The following SNED1 variants were observed in gnomAD, a reference collection of about 807,000 sequenced individuals.
The protein encoded by SNED1 is sushi, nidogen and EGF like domains 1.
In SNED1, 81 loss-of-function variants were observed where a neutral mutation model predicts 166.7. The ratio of observed to expected loss-of-function variants is 0.49; its 90% CI spans 0.41 to 0.58. SNED1 has a LOEUF of 0.58. Among genes scored for constraint, SNED1 ranks in the 20% least tolerant of loss-of-function variants. The pLI, the probability that SNED1 is intolerant of heterozygous loss-of-function variation, is 0.00. For synonymous variants in SNED1, 762 were observed against 822.0 expected (o/e 0.93, Z 1.25); for missense variants, 1,604 against 2,000.2 (o/e 0.80, Z 3.78).
At chr2:241,056,875 C>T (rs1000506931) in intron 16 of SNED1, among the ~76,000 whole-genome samples, 8 of 152,030 alleles carry the variant, frequency 5.3e-5, no homozygotes, top group Admixed American at 1.3e-4. Context: ...GCCACTGCGC[C>T]GGGCCAAATA....
intron 1 of SNED1, among the ~76,000 whole-genome samples, chr2:241,015,357 G>GT (rs1421859386): frequency 6.6e-6 from 1 of 152,064 alleles, no homozygotes; most frequent in African/African-American, 2.4e-5. Flanking sequence ...TAGGTACTTG[G>GT]TTTTTTTCAC....
At chr2:241,089,833 T>C (rs749633186) in intron 31 of SNED1, 3 of 1,357,350 alleles carry the variant, frequency 2.2e-6, no homozygotes, top group Non-Finnish European at 2.9e-6. Flanking sequence ...GCACCTAGGC[T>C]GTGTGGCAGA....
rs138136758 is a variant in SNED1 at position 241,018,660 on chromosome 2, G to A, written c.214-11624G>A. Among the ~76,000 whole-genome samples, 179 of 152,278 alleles carry A rather than the reference G, an allele frequency of 1.2e-3. 1 individual carries two copies. Among genetic ancestry groups the A allele is most frequent in the Middle Eastern group, 3.4e-3 (1 of 294 alleles). On this transcript the variant is annotated intron_variant, in intron 1 of 31. Coordinates refer to ENST00000310397, the MANE Select transcript of SNED1 (RefSeq NM_001080437.3). This position sits in a 1 kb window ranked among gnomAD's most constrained non-coding sequence, Gnocchi z 5.4. ...AGGCACAAGGCCAGCAGGAGCACCC[G>A]TGTGAGAGCCACAGAGACGCCCTGC...
rs373865004 is a variant in SNED1, at chr2:241,073,289, G to C, written c.3841G>C (p.Glu1281Gln). The C allele has an allele frequency of 6.4e-7, 1 of 1,564,684 alleles. No homozygotes were observed. The highest frequency in any genetic ancestry group is 8.7e-7 in the Non-Finnish European group (1 of 1,155,902). Residue 1281 changes from glutamate (E) to glutamine (Q), a missense_variant, in exon 27 of 32, where the codon GAG becomes CAG. This residue lies in a region of SNED1 where 367 missense variants were observed against 379.4 expected (regional missense o/e 0.97). Coordinates refer to ENST00000310397, the MANE Select transcript of SNED1 (RefSeq NM_001080437.3). This position sits in a 1 kb window ranked among gnomAD's most constrained non-coding sequence, Gnocchi z 6.6. ...AGAACCCACAGCCTCGGCGCAGCTC[G>C]AGAACATGGAGGAAGCCCCCAAGCG... ...RSQPTASAQL[E>Q]NMEEAPKRVS... is the part of the protein sequence containing the mutation.
At chr2:241,002,853 G>A (rs2060116695) in intron 1 of SNED1, among the ~76,000 whole-genome samples, 1 of 151,896 alleles carries the variant, frequency 6.6e-6, no homozygotes, top group African/African-American at 2.4e-5. Context: ...ATAAACCCCT[G>A]AGAGCCTCCC....
Position 241,069,165 on chromosome 2 carries a change from G to A in SNED1, c.3307+142G>A. On this transcript the variant is annotated intron_variant, in intron 23 of 31. Transcript: ENST00000310397. The surrounding 1 kb of genome is among the most constrained non-coding windows in gnomAD (Gnocchi z 4.9). ...TGGCCTCCCAGATGTCTCTTCCGCT[G>A]GGGCCACTGGGCAGGAGCCGCTGGG... 1.6e-6 allele frequency: 1 copy of A among 617,748 alleles called. No homozygotes were observed. Among genetic ancestry groups the A allele is most frequent in the South Asian group, 2.0e-5 (1 of 49,778 alleles). The allele number at this position is 617,748 out of a possible 1,614,324, so 38.3% of individuals were successfully genotyped here.
chr2:241,005,222 T>C (rs953637381), intron 1 of SNED1, among the ~76,000 whole-genome samples: 1 of 152,042 alleles, frequency 6.6e-6, no homozygotes, highest in Non-Finnish European at 1.5e-5. Context: ...TGTTTTGAGA[T>C]GGATTCTTAC....
At chr2:241,033,997 C>T (rs2061266333) in intron 3 of SNED1, 122 bp downstream of exon 3, 1 of 1,203,498 alleles carries the variant, frequency 8.3e-7, no homozygotes, top group Admixed American at 3.0e-5. Flanking sequence ...CGTGCAGAGG[C>T]CAACGAGAGA....
rs1285804764 is a variant in SNED1, at chr2:241,069,321, A to G, written c.3307+298A>G. Among the ~76,000 whole-genome samples, 1 of 152,134 alleles carries G rather than the reference A, an allele frequency of 6.6e-6. No homozygotes were observed. The highest frequency in any genetic ancestry group is 1.9e-4 in the East Asian group (1 of 5,184). On this transcript the variant is annotated intron_variant, in intron 23 of 31. Transcript: ENST00000310397. This position sits in a 1 kb window ranked among gnomAD's most constrained non-coding sequence, Gnocchi z 4.9. ...GCCAGAGGACCTCACTGGGCCAGGG[A>G]TACCCATGCTATCCAGGGCCCTTGT...
chr2:241,057,809 A>G (rs1252208757), intron 16 of SNED1, among the ~76,000 whole-genome samples: 4 of 152,244 alleles, frequency 2.6e-5, no homozygotes, highest in African/African-American at 9.6e-5. Flanking sequence ...CTTAGCAAAA[A>G]AAAGTGTCCT....
Position 241,070,207 on chromosome 2 carries a change from T to C in SNED1, c.3589+6T>C. The C allele has an allele frequency of 3.8e-6, 6 of 1,599,822 alleles. No individual in the cohort carries two copies. The highest frequency in any genetic ancestry group is 5.1e-6 in the Non-Finnish European group (6 of 1,175,350). On this transcript the variant is annotated splice_donor_region_variant and intron_variant, in intron 24 of 31. Coordinates refer to ENST00000310397, the MANE Select transcript of SNED1 (RefSeq NM_001080437.3). ...CCACCTCTACATCATCACCTGTGAG[T>C]GCCGTGGGCCCTGCGCGTGGGCGGG...
rs1195500922 is a variant in SNED1 at position 241,018,611 on chromosome 2, C to T, written c.214-11673C>T. 6.6e-6 allele frequency among the ~76,000 whole-genome samples: 1 copy of T among 152,196 alleles called. No homozygotes were observed. The highest frequency in any genetic ancestry group is 2.4e-5 in the African/African-American group (1 of 41,442). The stretch of plus-strand genomic sequence containing the variant: ...TTCCCCAGTTTGTCCCCAACTCACA[C>T]CCAGACCTGTCACAGGGCGGTGCAG... On this transcript the variant is annotated intron_variant, in intron 1 of 31. Coordinates refer to ENST00000310397, the MANE Select transcript of SNED1 (RefSeq NM_001080437.3). The surrounding 1 kb of genome is among the most constrained non-coding windows in gnomAD (Gnocchi z 5.4).
rs919570765 is a variant in SNED1 at position 241,067,851 on chromosome 2, C to A, written c.3098C>A (p.Ala1033Asp). The A allele has an allele frequency of 1.9e-6, 3 of 1,613,458 alleles. No individual in the cohort carries two copies. Among genetic ancestry groups the A allele is most frequent in the Non-Finnish European group, 2.5e-6 (3 of 1,179,828 alleles). The change falls in exon 22 of 32, where the codon GCC becomes GAC. Residue 1033 changes from alanine (A) to aspartate (D), a missense_variant. This residue lies in a region of SNED1 where 1,237 missense variants were observed against 1,620.8 expected (regional missense o/e 0.76). Coordinates refer to ENST00000310397, the MANE Select transcript of SNED1 (RefSeq NM_001080437.3). ...VQWALHRIRH[A>D]TVSGVRVSIR... The stretch of plus-strand genomic sequence containing the variant: ...TGGGCCCTGCACAGGATCCGCCATG[C>A]CACCGTCAGTGGGGTCCGTGTGTCC...
At chr2:241,087,854 G>A in intron 30 of SNED1, 2 of 477,228 alleles carry the variant, frequency 4.2e-6, no homozygotes, top group East Asian at 6.8e-5. Flanking sequence ...TCCACAAAGG[G>A]TTCAAGGTAG....
At chr2:241,072,117 C>T (rs988349046) in intron 26 of SNED1, 10 of 698,282 alleles carry the variant, frequency 1.4e-5, no homozygotes, top group Admixed American at 4.0e-5. Context: ...GCTGGAGGCG[C>T]AGGCTGCTGG....
chr2:241,018,593 G>A lies in SNED1; in HGVS notation c.214-11691G>A, dbSNP rs1251326465. Among the ~76,000 whole-genome samples, 1 of 152,164 alleles carries A rather than the reference G, an allele frequency of 6.6e-6. No homozygotes were observed. Among genetic ancestry groups the A allele is most frequent in the Non-Finnish European group, 1.5e-5 (1 of 68,036 alleles). The stretch of plus-strand genomic sequence containing the variant: ...AGGAACTTTCACTCACCTTTCCCCA[G>A]TTTGTCCCCAACTCACACCCAGACC... On this transcript the variant is annotated intron_variant, in intron 1 of 31. Transcript: ENST00000310397. The surrounding 1 kb of genome is among the most constrained non-coding windows in gnomAD (Gnocchi z 5.4).
At chr2:241,040,873 G>T (rs745474115) in intron 8 of SNED1, 30 of 469,300 alleles carry the variant, frequency 6.4e-5, no homozygotes, top group South Asian at 2.0e-4. Flanking sequence ...ATTTTGTGTT[G>T]TTTAACTGCT....
At position 241,052,696 on chromosome 2, in the gene SNED1, G is replaced by GCT. The variant is rs1559269611; in HGVS notation, c.2083+228_2083+229insCT. 1.7e-3 allele frequency among the ~76,000 whole-genome samples: 112 copies of GCT among 67,270 alleles called. 5 individuals carry two copies. The highest frequency in any genetic ancestry group is 0.013 in the East Asian group (19 of 1,460). The allele number at this position is 67,270 out of a possible 152,430, so 44.1% of individuals were successfully genotyped here. ...AGGCAGGTGAGAGGGTCGGCGGGGG[G>GCT]GGGGGGGGTCAAGCAGGGTACATGG... On this transcript the variant is annotated intron_variant, in intron 15 of 31. Coordinates refer to ENST00000310397, the MANE Select transcript of SNED1 (RefSeq NM_001080437.3).
At chr2:241,065,795 T>C (rs1447812906) in intron 21 of SNED1, among the ~76,000 whole-genome samples, 200 bp downstream of exon 21, 4 of 152,096 alleles carry the variant, frequency 2.6e-5, no homozygotes, top group East Asian at 1.9e-4. Context: ...GTCCACAAGA[T>C]ACAGGCATGG....
Sources: allele counts gnomAD v4.1 joint callset (sites outside exome capture counted in the v4.1 genomes callset), GRCh38; gene constraint gnomAD v4.1.1; regional missense constraint gnomAD v4.1.1; non-coding constraint Gnocchi (gnomAD v3.1); transcripts MANE v1.5; gene names NCBI Gene and HGNC (gene_info 2026-07-23, HGNC 2026-07-21).